The following GAS7 variants were observed in gnomAD, a reference collection of about 807,000 sequenced individuals.
GAS7 encodes the protein growth arrest specific 7.
A neutral mutation model predicts 71.1 loss-of-function variants in GAS7; 28 were observed. That is an observed-to-expected ratio of 0.39 (90% CI 0.29 to 0.54). GAS7 has a LOEUF of 0.54. Ranked by LOEUF, GAS7 falls within the 20% of genes least tolerant of loss-of-function variation. The pLI, the probability that GAS7 is intolerant of heterozygous loss-of-function variation, is 0.62. For missense variants in GAS7, 436 were observed against 627.8 expected, an observed-to-expected ratio of 0.69 and a Z score of 3.27; for synonymous variants, 258 against 245.8, an observed-to-expected ratio of 1.05 and a Z score of -0.46.
intron 1 of GAS7, among the ~76,000 whole-genome samples, chr17:10,088,220 CAATAAT>C (rs58029258): frequency 0.034 from 4,678 of 137,762 alleles, 100 homozygotes; most frequent in African/African-American, 0.052. Flanking sequence ...GACTCTATCT[CAATAAT>C]AATAATAATA....
intron 3 of GAS7, among the ~76,000 whole-genome samples, chr17:9,971,685 C>T (rs188358046): frequency 1.3e-5 from 2 of 152,184 alleles, no homozygotes; most frequent in Admixed American, 6.5e-5. Flanking sequence ...TGCGCCATCC[C>T]GTGACCCAGG....
intron 1 of GAS7, among the ~76,000 whole-genome samples, chr17:10,192,338 TGTGA>T (rs1450367993): frequency 6.6e-6 from 1 of 152,246 alleles, no homozygotes; most frequent in Non-Finnish European, 1.5e-5. Flanking sequence ...GCCTTGCTGC[TGTGA>T]GTAATAAGAC....
intron 2 of GAS7, among the ~76,000 whole-genome samples, chr17:9,991,285 T>G (rs534727579): frequency 1.3e-5 from 2 of 152,096 alleles, no homozygotes; most frequent in African/African-American, 4.8e-5. Context: ...TCTTTAGCAT[T>G]GCTGCAGTGT....
At chr17:10,196,844 A>C (rs2074544574) in intron 1 of GAS7, among the ~76,000 whole-genome samples, 1 of 152,172 alleles carries the variant, frequency 6.6e-6, no homozygotes, top group South Asian at 2.1e-4. Context: ...GCTTTCTTTT[A>C]CATCCGAATC....
intron 1 of GAS7, among the ~76,000 whole-genome samples, chr17:10,070,341 CTTTTT>C (rs71365713): frequency 0.015 from 1,597 of 106,144 alleles, 14 homozygotes; most frequent in Non-Finnish European, 0.02. Context: ...TCTCTCTCTT[CTTTTT>C]TTTTTTTTTT....
At chr17:10,104,453 C>A (rs981095234) in intron 1 of GAS7, among the ~76,000 whole-genome samples, 2 of 152,216 alleles carry the variant, frequency 1.3e-5, no homozygotes, top group Admixed American at 6.5e-5. Context: ...TGGCCTGACC[C>A]TGTTCCATAG....
intron 1 of GAS7, among the ~76,000 whole-genome samples, chr17:10,126,528 A>G (rs1053568361): frequency 3.4e-5 from 3 of 88,194 alleles, no homozygotes; most frequent in African/African-American, 1.4e-4. Flanking sequence ...CGCACACACA[A>G]GCACACACAC....
At chr17:9,931,322 T>C (rs1258872122) in intron 9 of GAS7, among the ~76,000 whole-genome samples, 1 of 152,204 alleles carries the variant, frequency 6.6e-6, no homozygotes, top group Non-Finnish European at 1.5e-5. Flanking sequence ...ATGTCACCAC[T>C]ACCACGTCGG....
chr17:10,010,344 G>C (rs779765515), intron 2 of GAS7, among the ~76,000 whole-genome samples: 1 of 151,982 alleles, frequency 6.6e-6, no homozygotes, highest in Non-Finnish European at 1.5e-5. Context: ...AGTAGAGACA[G>C]GGTTTCACCG....
intron 4 of GAS7, among the ~76,000 whole-genome samples, chr17:9,968,989 GT>G (rs2152119842): frequency 6.6e-6 from 1 of 152,248 alleles, no homozygotes; most frequent in East Asian, 1.9e-4. Flanking sequence ...CTAGTCCTCA[GT>G]TTTTTAGGCA....
chr17:10,136,630 C>G (rs2074040874), intron 1 of GAS7, among the ~76,000 whole-genome samples: 1 of 152,192 alleles, frequency 6.6e-6, no homozygotes, highest in Non-Finnish European at 1.5e-5. Flanking sequence ...TGACCCCTCG[C>G]ATCTGTCCGT....
At chr17:10,162,642 G>C in intron 1 of GAS7, among the ~76,000 whole-genome samples, 1 of 152,176 alleles carries the variant, frequency 6.6e-6, no homozygotes, top group East Asian at 1.9e-4. Flanking sequence ...AGCCACATCT[G>C]ATCAGTCCAT....
rs183029204 is a variant in GAS7, at chr17:10,102,914, C to T, written c.184-83017G>A. Among the ~76,000 whole-genome samples, 463 of 152,262 alleles carry T rather than the reference C, an allele frequency of 3.0e-3. 4 individuals are homozygous for T. Among genetic ancestry groups the T allele is most frequent in the South Asian group, 8.5e-3 (41 of 4,812 alleles). On this transcript the variant is annotated intron_variant, in intron 1 of 13. Transcript: ENST00000432992. ...CAATAGGCGAGTAATTAGGCATATC[C>T]TGGACACATTTTAGGAAACTGTCTC... is the stretch of plus-strand genomic sequence containing the variant.
chr17:10,153,338 G>A (rs2074181674), intron 1 of GAS7, among the ~76,000 whole-genome samples: 1 of 151,964 alleles, frequency 6.6e-6, no homozygotes, highest in Admixed American at 6.6e-5. Flanking sequence ...CCAATATGGT[G>A]AAACCCCATC....
intron 1 of GAS7, among the ~76,000 whole-genome samples, chr17:10,090,269 A>G (rs1359155325): frequency 6.6e-6 from 1 of 152,184 alleles, no homozygotes; most frequent in African/African-American, 2.4e-5. Flanking sequence ...TTTGGTTTTA[A>G]CGATGGACAT....
intron 1 of GAS7, among the ~76,000 whole-genome samples, chr17:10,178,537 C>T (rs939974674): frequency 3.3e-5 from 5 of 151,988 alleles, no homozygotes; most frequent in Admixed American, 2.6e-4. Flanking sequence ...GAAAACCATA[C>T]ACGGAGCCTG....
At chr17:10,188,348 C>T (rs1006587384) in intron 1 of GAS7, among the ~76,000 whole-genome samples, 1 of 152,086 alleles carries the variant, frequency 6.6e-6, no homozygotes. Flanking sequence ...TTCTGGTGTA[C>T]ATTGAGGTTG....
At chr17:9,951,746 G>A (rs1597523371) in intron 5 of GAS7, among the ~76,000 whole-genome samples, 1 of 86,208 alleles carries the variant, frequency 1.2e-5, no homozygotes, top group East Asian at 3.7e-4. Flanking sequence ...GGCAACAAGA[G>A]CAAAACTCTG....
At chr17:10,012,981 T>C (rs2071836355) in intron 2 of GAS7, among the ~76,000 whole-genome samples, 1 of 151,580 alleles carries the variant, frequency 6.6e-6, no homozygotes, top group Admixed American at 6.6e-5. Flanking sequence ...CGGGCACTTA[T>C]AGTTCCAGCT....
Sources: allele counts gnomAD v4.1 joint callset (sites outside exome capture counted in the v4.1 genomes callset), GRCh38; gene constraint gnomAD v4.1.1; transcripts MANE v1.5; gene names NCBI Gene and HGNC (gene_info 2026-07-23, HGNC 2026-07-21).